LIMCH1: variants seen among roughly 807,000 people sequenced by gnomAD.
LIMCH1 encodes the protein LIM and calponin homology domains-containing protein 1.
Under a neutral mutation model 176.5 loss-of-function variants are expected in LIMCH1, and 113 were observed. That is an observed-to-expected ratio of 0.64 (90% CI 0.55 to 0.75). The LOEUF (loss-of-function observed/expected upper bound fraction) is 0.75. Among genes scored for constraint, LIMCH1 ranks in the 30% least tolerant of loss-of-function variants. The pLI is 0.00. For synonymous variants in LIMCH1, 619 were observed against 645.9 expected (o/e 0.96, Z 0.63); for missense variants, 1,674 against 1,814.9 (o/e 0.92, Z 1.41).
At chr4:41,491,842 C>T (rs536531145) in intron 1 of LIMCH1, among the ~76,000 whole-genome samples, 68 of 143,586 alleles carry the variant, frequency 4.7e-4, no homozygotes, top group African/African-American at 1.6e-3. Flanking sequence ...ACTTCCCATT[C>T]GGGGCAGCCG....
intron 1 of LIMCH1, among the ~76,000 whole-genome samples, chr4:41,366,867 G>A (rs576247122): frequency 2.0e-5 from 3 of 152,170 alleles, no homozygotes; most frequent in Non-Finnish European, 2.9e-5. Context: ...CTGCCATAAA[G>A]ATACGACCTG....
In LIMCH1 at chr4:41,689,547, T is replaced by C; in HGVS notation, c.4187T>C (p.Leu1396Pro). The C allele has an allele frequency of 6.2e-7, 1 of 1,608,500 alleles. No individual in the cohort carries two copies. The highest frequency in any genetic ancestry group is 8.5e-7 in the Non-Finnish European group (1 of 1,174,938). Reference sequence around the variant, plus strand: ...CCTAGGTCTATAAGTGGAAAGAAGCTGTGCTCTTCCTGTGGGCTTCCTTTG... The same window carrying C: ...CCTAGGTCTATAAGTGGAAAGAAGCCGTGCTCTTCCTGTGGGCTTCCTTTG... ...SPNRSISGKK[L>P]CSSCGLPLGK... is the part of the protein sequence containing the mutation. Residue 1396 changes from leucine (L) to proline (P), a missense_variant, in exon 30 of 32, where the codon CTG becomes CCG. This residue lies in a region of LIMCH1 where 1,015 missense variants were observed against 1,102.5 expected (regional missense o/e 0.92). Transcript: ENST00000503057.
intron 1 of LIMCH1, among the ~76,000 whole-genome samples, chr4:41,367,893 A>C (rs2053346074): frequency 6.6e-6 from 1 of 150,682 alleles, no homozygotes. Flanking sequence ...AAAAGAAATC[A>C]AGGTCAAGAA....
At chr4:41,387,287 CT>C (rs1298350512) in intron 1 of LIMCH1, among the ~76,000 whole-genome samples, 4 of 152,194 alleles carry the variant, frequency 2.6e-5, no homozygotes, top group Non-Finnish European at 5.9e-5. Context: ...GCACAGAAAT[CT>C]ACTTACATGA....
At chr4:41,617,494 G>C (rs1278387964) in intron 5 of LIMCH1, among the ~76,000 whole-genome samples, 1 of 152,090 alleles carries the variant, frequency 6.6e-6, no homozygotes, top group Non-Finnish European at 1.5e-5. Context: ...CAATTCACAG[G>C]GGGCTCTAAA....
intron 1 of LIMCH1, among the ~76,000 whole-genome samples, chr4:41,401,526 G>A (rs1467950406): frequency 4.0e-5 from 6 of 151,104 alleles, no homozygotes; most frequent in South Asian, 4.2e-4. Flanking sequence ...CTCTTTTTTG[G>A]TTTCATATGA....
At chr4:41,394,210 C>G (rs957006762) in intron 1 of LIMCH1, among the ~76,000 whole-genome samples, 2 of 152,128 alleles carry the variant, frequency 1.3e-5, no homozygotes, top group Admixed American at 1.3e-4. Context: ...CCATACCTTT[C>G]AGGGAAGATT....
intron 9 of LIMCH1, 107 bp downstream of exon 9, chr4:41,629,841 T>C (rs1018289524): frequency 1.5e-6 from 2 of 1,301,358 alleles, no homozygotes; most frequent in Admixed American, 2.7e-5. Context: ...AGGGTCTTGC[T>C]CTGTTGCCCA....
At chr4:41,420,294 C>A (rs771367432) in intron 1 of LIMCH1, among the ~76,000 whole-genome samples, 2 of 152,076 alleles carry the variant, frequency 1.3e-5, no homozygotes, top group Non-Finnish European at 2.9e-5. Context: ...TACTTAATAG[C>A]CTTGAATTAT....
chr4:41,420,211 G>A lies in LIMCH1; in HGVS notation c.96+59275G>A, dbSNP rs191437213. ...TCAGTGGTGGCAGGTGGGGCAGGAT[G>A]GTAATACCTACCTCACAGGATGATT... On this transcript the variant is annotated intron_variant, in intron 1 of 26. Coordinates refer to the LIMCH1 transcript ENST00000313860. 2.6e-5 allele frequency among the ~76,000 whole-genome samples: 4 copies of A among 152,156 alleles called. No individual in the cohort carries two copies. The East Asian group carries it at 5.8e-4, about 22-fold the overall frequency.
chr4:41,490,277 C>CTTTTTTTTTTT (rs750458277), intron 1 of LIMCH1, among the ~76,000 whole-genome samples: 1 of 134,240 alleles, frequency 7.4e-6, no homozygotes, highest in Non-Finnish European at 1.6e-5. Context: ...TTCTCCCTTT[C>CTTTTTTTTTTT]TTTTTTTTTT....
chr4:41,685,333 C>G (rs1719857133), intron 27 of LIMCH1, among the ~76,000 whole-genome samples: 2 of 152,154 alleles, frequency 1.3e-5, no homozygotes, highest in Admixed American at 6.5e-5. Context: ...TGGATTTAAA[C>G]CACATCACAG....
intron 18 of LIMCH1, among the ~76,000 whole-genome samples, chr4:41,658,698 T>C (rs567881271): frequency 6.6e-6 from 1 of 152,354 alleles, no homozygotes; most frequent in South Asian, 2.1e-4. Flanking sequence ...CGTGTTTTCT[T>C]TCTTAGTAGT....
chr4:41,455,219 T>A (rs2154149481), intron 1 of LIMCH1, among the ~76,000 whole-genome samples: 1 of 152,312 alleles, frequency 6.6e-6, no homozygotes, highest in Non-Finnish European at 1.5e-5. Context: ...TTTAAAAGTA[T>A]GGCTTTAGAT....
chr4:41,578,704 T>C (rs986225831), intron 1 of LIMCH1, among the ~76,000 whole-genome samples: 31 of 152,000 alleles, frequency 2.0e-4, no homozygotes, highest in African/African-American at 7.3e-4. Context: ...TTTTCTTCTT[T>C]TCCCCCTTCC....
At chr4:41,548,121 T>C (rs1164437984) in intron 1 of LIMCH1, among the ~76,000 whole-genome samples, 1 of 151,884 alleles carries the variant, frequency 6.6e-6, no homozygotes, top group Non-Finnish European at 1.5e-5. Context: ...CAGTGAATGA[T>C]GATGTATACT....
chr4:41,577,439 T>A (rs2152657871), intron 1 of LIMCH1, among the ~76,000 whole-genome samples: 1 of 152,294 alleles, frequency 6.6e-6, no homozygotes, highest in East Asian at 1.9e-4. Context: ...ATTTATTTAT[T>A]TACTTTTTGA....
chr4:41,384,378 T>A lies in LIMCH1; in HGVS notation c.96+23442T>A, dbSNP rs180874766. On this transcript the variant is annotated intron_variant, in intron 1 of 26. Coordinates refer to the LIMCH1 transcript ENST00000313860. ...TGCCACCACGCCGGGCTATTTTTTT[T>A]TTTTTATTTTTAGTAGAGACGGGGT... 1.9e-3 allele frequency among the ~76,000 whole-genome samples: 284 copies of A among 152,102 alleles called. 1 individual carries two copies. The highest frequency in any genetic ancestry group is 4.3e-3 in the African/African-American group (179 of 41,486).
At chr4:41,549,700 T>C (rs527531464) in intron 1 of LIMCH1, among the ~76,000 whole-genome samples, 1 of 152,282 alleles carries the variant, frequency 6.6e-6, no homozygotes, top group South Asian at 2.1e-4. Flanking sequence ...TTCTTACTTC[T>C]GTCACATGTA....
Sources: allele counts gnomAD v4.1 joint callset (sites outside exome capture counted in the v4.1 genomes callset), GRCh38; gene constraint gnomAD v4.1.1; regional missense constraint gnomAD v4.1.1; transcripts MANE v1.5; gene names NCBI Gene and HGNC (gene_info 2026-07-23, HGNC 2026-07-21).